The following GABRB2 variants were observed in gnomAD, a reference collection of about 807,000 sequenced individuals.
GABRB2 encodes gamma-aminobutyric acid type A receptor subunit beta2, also known as gamma-aminobutyric acid receptor subunit beta-2.
A neutral mutation model predicts 54.7 loss-of-function variants in GABRB2; 16 were observed. That is an observed-to-expected ratio of 0.29 (90% confidence interval 0.20 to 0.44). The LOEUF is 0.44. Ranked by LOEUF, GABRB2 falls within the 20% of genes least tolerant of loss-of-function variation. GABRB2 has a pLI of 1.00. For missense variants in GABRB2, 355 were observed against 644.0 expected (o/e 0.55, Z 4.86); for synonymous variants, 244 against 233.8 (o/e 1.04, Z -0.40).
chr5:161,390,151 T>C (rs970009659), intron 5 of GABRB2, among the ~76,000 whole-genome samples: 2 of 152,072 alleles, frequency 1.3e-5, no homozygotes, highest in African/African-American at 4.8e-5. Flanking sequence ...TTTAATCATG[T>C]TGACCTTTAC....
chr5:161,413,395 C>T, intron 4 of GABRB2, among the ~76,000 whole-genome samples: 1 of 151,906 alleles, frequency 6.6e-6, no homozygotes, highest in East Asian at 1.9e-4. Context: ...ATCTTATCAA[C>T]TTCATTGTTT....
At chr5:161,540,059 A>G (rs1201667833) in intron 3 of GABRB2, among the ~76,000 whole-genome samples, 2 of 152,138 alleles carry the variant, frequency 1.3e-5, no homozygotes, top group African/African-American at 4.8e-5. Context: ...TGAGACAACA[A>G]TGAAGTTTGC....
chr5:161,335,042 G>T, intron 6 of GABRB2, 138 bp from the exon 7 acceptor site: 1 of 799,146 alleles, frequency 1.3e-6, no homozygotes, highest in Non-Finnish European at 2.0e-6. Flanking sequence ...TGCAAAAGTA[G>T]TCTGAGAGCC....
At chr5:161,487,032 T>G (rs1758945994) in intron 3 of GABRB2, among the ~76,000 whole-genome samples, 1 of 151,988 alleles carries the variant, frequency 6.6e-6, no homozygotes, top group African/African-American at 2.4e-5. Flanking sequence ...TACAAGTTCC[T>G]TATTCCATAG....
intron 3 of GABRB2, among the ~76,000 whole-genome samples, chr5:161,512,084 T>G (rs1581047134): frequency 6.6e-6 from 1 of 151,882 alleles, no homozygotes; most frequent in African/African-American, 2.4e-5. Flanking sequence ...TAAGAAAGTA[T>G]CTATAAAAGT....
At chr5:161,441,849 G>A (rs749479353) in intron 4 of GABRB2, among the ~76,000 whole-genome samples, 1 of 152,138 alleles carries the variant, frequency 6.6e-6, no homozygotes, top group Non-Finnish European at 1.5e-5. Context: ...AAGCCATGCA[G>A]AGAAAGACAT....
At chr5:161,294,637 C>A (rs193032284) in intron 9 of GABRB2, among the ~76,000 whole-genome samples, 7 of 152,204 alleles carry the variant, frequency 4.6e-5, no homozygotes, top group Admixed American at 4.6e-4. Flanking sequence ...ATATAATAAT[C>A]CAACCCTAGA....
chr5:161,449,802 T>C (rs1757741010), intron 4 of GABRB2, among the ~76,000 whole-genome samples: 1 of 151,478 alleles, frequency 6.6e-6, no homozygotes, highest in South Asian at 2.1e-4. Flanking sequence ...ACACACACAA[T>C]AGCAACAATT....
chr5:161,330,827 T>G (rs568678721), intron 8 of GABRB2, 56 bp downstream of exon 8: 202 of 1,610,962 alleles, frequency 1.3e-4, no homozygotes, highest in Middle Eastern at 1.7e-4. Flanking sequence ...CAACCTGTAT[T>G]GCTAGCATTC....
At chr5:161,395,501 A>G (rs1021254596) in intron 5 of GABRB2, among the ~76,000 whole-genome samples, 14 of 152,130 alleles carry the variant, frequency 9.2e-5, no homozygotes, top group Admixed American at 2.6e-4. Flanking sequence ...GTACTCACCT[A>G]ATGGAGCTGA....
chr5:161,463,584 T>G (rs1200285040), intron 3 of GABRB2, among the ~76,000 whole-genome samples: 3 of 121,422 alleles, frequency 2.5e-5, no homozygotes, highest in Non-Finnish European at 5.3e-5. Context: ...TATATATATA[T>G]ATATATATAT....
intron 3 of GABRB2, among the ~76,000 whole-genome samples, chr5:161,495,435 G>A (rs1467504776): frequency 6.6e-6 from 1 of 151,810 alleles, no homozygotes; most frequent in East Asian, 1.9e-4. Flanking sequence ...AATGCCATTA[G>A]ACCTTATGAA....
chr5:161,532,614 A>G (rs560837456), intron 3 of GABRB2, among the ~76,000 whole-genome samples: 7 of 152,240 alleles, frequency 4.6e-5, no homozygotes, highest in Non-Finnish European at 8.8e-5. Flanking sequence ...CACCCCTCTC[A>G]TGTCCCACTG....
chr5:161,479,708 G>C (rs1323977128), intron 3 of GABRB2, among the ~76,000 whole-genome samples: 1 of 150,844 alleles, frequency 6.6e-6, no homozygotes, highest in Non-Finnish European at 1.5e-5. Flanking sequence ...TCCTGCTTCA[G>C]CCTCCTGAGT....
intron 5 of GABRB2, among the ~76,000 whole-genome samples, chr5:161,383,423 AAGAAAATAACTTACATAAGTC>A (rs1755528532): frequency 6.6e-6 from 1 of 152,122 alleles, no homozygotes; most frequent in Admixed American, 6.5e-5. Flanking sequence ...ACATATAATC[AAGAAAATAACTTACATAAGTC>A]ATGTTCTCAT....
intron 5 of GABRB2, among the ~76,000 whole-genome samples, chr5:161,360,298 TATC>T (rs1417467586): frequency 2.6e-4 from 39 of 152,278 alleles, no homozygotes; most frequent in Non-Finnish European, 4.9e-4. Flanking sequence ...TAGAATATTT[TATC>T]ATATTAGAAA....
chr5:161,507,550 A>G (rs1759643692), intron 3 of GABRB2, among the ~76,000 whole-genome samples: 1 of 152,034 alleles, frequency 6.6e-6, no homozygotes, highest in Admixed American at 6.6e-5. Context: ...AAATTTATCT[A>G]TATGTAAAAA....
intron 3 of GABRB2, among the ~76,000 whole-genome samples, chr5:161,494,541 G>A (rs962904535): frequency 3.7e-3 from 94 of 25,068 alleles, no homozygotes; most frequent in East Asian, 0.021. Flanking sequence ...AGGTATGCGT[G>A]TGTGTGTGTG....
chr5:161,544,942 G>C (rs1760929565), intron 3 of GABRB2, among the ~76,000 whole-genome samples: 2 of 152,214 alleles, frequency 1.3e-5, no homozygotes, highest in South Asian at 2.1e-4. Context: ...AGCCTGAGGA[G>C]ATGAGGCTTC....
Sources: gnomAD v4.1 joint callset for allele counts (sites outside exome capture counted in the v4.1 genomes callset) on GRCh38, gnomAD v4.1.1 for gene constraint, MANE v1.5 for transcripts, NCBI Gene and HGNC (gene_info 2026-07-23, HGNC 2026-07-21) for gene names.